The following RUVBL1 variants were observed in gnomAD, a reference collection of about 807,000 sequenced individuals.
The protein encoded by RUVBL1 is ruvB-like 1.
Under a neutral mutation model 52.4 loss-of-function variants are expected in RUVBL1, and 4 were observed. That is an observed-to-expected ratio of 0.08 (90% confidence interval 0.04 to 0.17). The LOEUF is 0.17. RUVBL1 is among the 10% of genes least tolerant of loss of function. The pLI is 1.00. For synonymous variants in RUVBL1, 217 were observed against 214.4 expected, an observed-to-expected ratio of 1.01 and a Z score of -0.10; for missense variants, 298 against 572.8, an observed-to-expected ratio of 0.52 and a Z score of 4.90.
intron 8 of RUVBL1, among the ~76,000 whole-genome samples, chr3:128,093,799 T>C (rs920650799): frequency 6.6e-6 from 1 of 152,166 alleles, no homozygotes; most frequent in Non-Finnish European, 1.5e-5. Context: ...CTCCCTGTCA[T>C]CCATGGATGG....
intron 9 of RUVBL1, chr3:128,065,236 C>A: frequency 3.0e-6 from 2 of 674,632 alleles, no homozygotes; most frequent in Non-Finnish European, 2.7e-6. Context: ...ATTAACGAAA[C>A]AAAATTAAGG....
intron 1 of RUVBL1, among the ~76,000 whole-genome samples, chr3:128,120,449 T>TAC (rs1239317558): frequency 6.6e-6 from 1 of 152,154 alleles, no homozygotes; most frequent in Non-Finnish European, 1.5e-5. Context: ...TGTGTATATA[T>TAC]ACACACACAT....
intron 1 of RUVBL1, among the ~76,000 whole-genome samples, chr3:128,128,880 A>G (rs1340524838): frequency 1.3e-5 from 2 of 152,182 alleles, no homozygotes; most frequent in Non-Finnish European, 2.9e-5. Flanking sequence ...CATCTTTACT[A>G]TCTGGGTCTC....
intron 1 of RUVBL1, among the ~76,000 whole-genome samples, chr3:128,134,617 T>C (rs1221114529): frequency 1.3e-5 from 2 of 150,208 alleles, no homozygotes; most frequent in Non-Finnish European, 3.0e-5. Context: ...TGAAACCCCA[T>C]CTCTACAAAA....
intron 1 of RUVBL1, among the ~76,000 whole-genome samples, chr3:128,122,310 G>C (rs1943668352): frequency 6.6e-6 from 1 of 152,164 alleles, no homozygotes. Flanking sequence ...GATTGGGAGA[G>C]GGACAGATGA....
intron 1 of RUVBL1, among the ~76,000 whole-genome samples, chr3:128,152,935 C>CCCCCCCCCGCCCCCG (rs1944260149): frequency 2.5e-5 from 1 of 40,080 alleles, no homozygotes; most frequent in African/African-American, 8.9e-5. Context: ...TCCCCCCGCC[C>CCCCCCCCCGCCCCCG]TCCCCCCCGC....
rs143998829 is a variant in RUVBL1 at position 128,147,830 on chromosome 3, T to C, written c.-40+5373A>G. 3.5e-3 allele frequency among the ~76,000 whole-genome samples: 534 copies of C among 152,268 alleles called. 1 individual carries two copies. Among genetic ancestry groups the C allele is most frequent in the African/African-American group, 0.012 (495 of 41,564 alleles). On this transcript the variant is annotated intron_variant, in intron 1 of 9. Transcript: ENST00000464873. ...GAGCAGCTTTATAATAGCCAAAACC[T>C]GGAAACAACCCAAATGCCCTTCAAC...
intron 2 of RUVBL1, among the ~76,000 whole-genome samples, chr3:128,113,810 C>T (rs753281225): frequency 1.4e-4 from 22 of 152,182 alleles, no homozygotes; most frequent in Non-Finnish European, 1.5e-4. Context: ...GCTCCGAATA[C>T]ACCACTGGAT....
At chr3:128,151,666 A>G (rs1354179582) in intron 1 of RUVBL1, among the ~76,000 whole-genome samples, 6 of 152,114 alleles carry the variant, frequency 3.9e-5, no homozygotes, top group Non-Finnish European at 8.8e-5. Context: ...TCCCATCACA[A>G]GGGCCCGCTC....
intron 1 of RUVBL1, among the ~76,000 whole-genome samples, chr3:128,137,528 CA>C (rs2107732489): frequency 6.6e-6 from 1 of 152,242 alleles, no homozygotes; most frequent in South Asian, 2.1e-4. Flanking sequence ...TAACAAGTAA[CA>C]AGATCAAAGC....
chr3:128,065,879 T>A (rs1228988905), intron 9 of RUVBL1, among the ~76,000 whole-genome samples: 1 of 151,580 alleles, frequency 6.6e-6, no homozygotes, highest in Non-Finnish European at 1.5e-5. Context: ...GTAGATGGGA[T>A]TACAGGTGCC....
intron 1 of RUVBL1, among the ~76,000 whole-genome samples, chr3:128,140,632 T>C (rs906021041): frequency 1.3e-5 from 2 of 152,164 alleles, no homozygotes; most frequent in Non-Finnish European, 2.9e-5. Context: ...AGTGTGCCTT[T>C]AATTCCTTCC....
At chr3:128,068,118 A>G in intron 9 of RUVBL1, 1 of 1,361,840 alleles carries the variant, frequency 7.3e-7, no homozygotes, top group Admixed American at 1.7e-5. Context: ...GTTTCTTTCC[A>G]TGCAGGGCAT....
intron 1 of RUVBL1, chr3:128,153,126 C>T (rs999140740): frequency 1.4e-6 from 1 of 716,414 alleles, no homozygotes; most frequent in Non-Finnish European, 1.8e-6. Flanking sequence ...CTGATTGGTG[C>T]GTTTTACAGA....
At chr3:128,068,146 C>T in intron 9 of RUVBL1, 1 of 914,728 alleles carries the variant, frequency 1.1e-6, no homozygotes, top group South Asian at 1.3e-5. Context: ...GGCCCTAGCA[C>T]TTACTGGGTC....
At chr3:128,105,865 C>CTTTTTTTTTT (rs11311563) in intron 3 of RUVBL1, among the ~76,000 whole-genome samples, 4 of 88,908 alleles carry the variant, frequency 4.5e-5, no homozygotes, top group Admixed American at 1.4e-4. Flanking sequence ...TTCCCTTTTT[C>CTTTTTTTTTT]TTTTTTTTTT....
intron 9 of RUVBL1, among the ~76,000 whole-genome samples, chr3:128,073,093 G>T (rs9813812): frequency 0.23 from 34,693 of 152,082 alleles, 4,025 homozygotes; most frequent in South Asian, 0.27. Flanking sequence ...CTTAGCTCCC[G>T]AGCCAGGACA....
At chr3:128,101,191 C>T (rs1364038452) in intron 5 of RUVBL1, among the ~76,000 whole-genome samples, 1 of 152,190 alleles carries the variant, frequency 6.6e-6, no homozygotes, top group Non-Finnish European at 1.5e-5. Context: ...TTCCTTCCCA[C>T]ATGCATATAT....
intron 4 of RUVBL1, among the ~76,000 whole-genome samples, chr3:128,102,411 A>T (rs1943126545): frequency 6.6e-6 from 1 of 152,246 alleles, no homozygotes; most frequent in African/African-American, 2.4e-5. Flanking sequence ...GGTGACCCTC[A>T]GTGATTAATA....
Sources: allele counts gnomAD v4.1 joint callset (sites outside exome capture counted in the v4.1 genomes callset), GRCh38; gene constraint gnomAD v4.1.1; transcripts MANE v1.5; gene names NCBI Gene and HGNC (gene_info 2026-07-23, HGNC 2026-07-21).